CMSS1: variants seen among roughly 807,000 people sequenced by gnomAD.
CMSS1 encodes the protein protein CMSS1.
Under a neutral mutation model 43.5 loss-of-function variants are expected in CMSS1, and 33 were observed. The ratio of observed to expected loss-of-function variants is 0.76; its 90% CI spans 0.57 to 1.01. The LOEUF is 1.01. Among genes scored for constraint, CMSS1 ranks in the 50% least tolerant of loss-of-function variants. The probability of loss-of-function intolerance (pLI) is 0.00; values close to 1 mark genes in which losing one functional copy is unlikely to be tolerated. For missense variants in CMSS1, 313 were observed against 326.4 expected (o/e 0.96, Z 0.32); for synonymous variants, 115 against 117.2 (o/e 0.98, Z 0.12).
At chr3:99,825,775 C>CTTTTTTTTT (rs897686337) in intron 1 of CMSS1, among the ~76,000 whole-genome samples, 5 of 121,612 alleles carry the variant, frequency 4.1e-5, no homozygotes, top group African/African-American at 6.2e-5. Context: ...TTTTCTTTTT[C>CTTTTTTTTT]TTTTTTTTTT....
chr3:99,954,474 G>T lies in CMSS1; in HGVS notation c.64+136431G>T, dbSNP rs141098894. ...TCAGTTAATGGCAAAACCAGAAAAAGAACTCAACCTCTGTTTGACTCTCAG... is the reference window on the plus strand; with the variant it reads ...TCAGTTAATGGCAAAACCAGAAAAATAACTCAACCTCTGTTTGACTCTCAG... On this transcript the variant is annotated intron_variant, in intron 1 of 9. Coordinates refer to ENST00000421999, the MANE Select transcript of CMSS1 (RefSeq NM_032359.4). Among the ~76,000 whole-genome samples the T allele has an allele frequency of 4.5e-3, 684 of 152,210 alleles. 6 individuals carry two copies. Among genetic ancestry groups the T allele is most frequent in the African/African-American group, 0.016 (670 of 41,532 alleles).
rs570916530 is a variant in CMSS1 at position 100,089,828 on chromosome 3, T to C, written c.65-57145T>C. On this transcript the variant is annotated intron_variant, in intron 1 of 9. Transcript: ENST00000421999. ...AATGTCATATTAGGAACAACTGGAT[T>C]CTAGTCTCCATTTTTGCCACCTACT... Among the ~76,000 whole-genome samples the C allele has an allele frequency of 1.8e-3, 267 of 152,308 alleles. 1 individual carries two copies. Among genetic ancestry groups the C allele is most frequent in the African/African-American group, 6.2e-3 (257 of 41,566 alleles).
At chr3:100,166,826 C>A (rs1164041786) in intron 5 of CMSS1, among the ~76,000 whole-genome samples, 3 of 152,158 alleles carry the variant, frequency 2.0e-5, no homozygotes, top group African/African-American at 7.2e-5. Context: ...GGAGCCTCAA[C>A]CTCCTGGGCT....
At chr3:100,176,184 G>A (rs1289506167) in intron 8 of CMSS1, 143 bp from the exon 9 acceptor site, 2 of 577,616 alleles carry the variant, frequency 3.5e-6, no homozygotes, top group African/African-American at 3.8e-5. Context: ...ATCAGGGAAG[G>A]GCAGCACTTA....
At chr3:100,086,178 G>C (rs1485699937) in intron 1 of CMSS1, among the ~76,000 whole-genome samples, 1 of 152,200 alleles carries the variant, frequency 6.6e-6, no homozygotes, top group Non-Finnish European at 1.5e-5. Flanking sequence ...TCTGGCAGTG[G>C]TAGAGAGTCT....
chr3:100,083,380 C>G (rs766457268), intron 1 of CMSS1, among the ~76,000 whole-genome samples: 49 of 152,316 alleles, frequency 3.2e-4, no homozygotes, highest in Non-Finnish European at 5.4e-4. Flanking sequence ...TGGGAACTTG[C>G]AAGACATGAA....
At chr3:99,946,008 T>G (rs1707996923) in intron 1 of CMSS1, among the ~76,000 whole-genome samples, 1 of 152,212 alleles carries the variant, frequency 6.6e-6, no homozygotes, top group African/African-American at 2.4e-5. Context: ...TACAGACAGT[T>G]GGTAGATGTA....
At chr3:99,977,619 T>G (rs1427396261) in intron 1 of CMSS1, among the ~76,000 whole-genome samples, 2 of 152,184 alleles carry the variant, frequency 1.3e-5, no homozygotes, top group Admixed American at 1.3e-4. Flanking sequence ...ATTAGTTGAT[T>G]TTTTTAGTAT....
At chr3:99,884,245 C>A (rs1053325927) in intron 1 of CMSS1, among the ~76,000 whole-genome samples, 1 of 152,134 alleles carries the variant, frequency 6.6e-6, no homozygotes, top group Non-Finnish European at 1.5e-5. Flanking sequence ...CTCTCTCTGT[C>A]CTTTTTCCCC....
chr3:99,902,975 G>C (rs921500207), intron 1 of CMSS1, among the ~76,000 whole-genome samples: 1 of 152,146 alleles, frequency 6.6e-6, no homozygotes, highest in African/African-American at 2.4e-5. Context: ...CCTAAACCTA[G>C]AACTGTTAGA....
At chr3:100,009,376 T>C (rs1710077984) in intron 1 of CMSS1, among the ~76,000 whole-genome samples, 1 of 152,166 alleles carries the variant, frequency 6.6e-6, no homozygotes, top group Admixed American at 6.5e-5. Context: ...ATGATAGCAT[T>C]AAAAGCAGAA....
chr3:99,977,144 A>G (rs1708996260), intron 1 of CMSS1, among the ~76,000 whole-genome samples: 1 of 152,230 alleles, frequency 6.6e-6, no homozygotes, highest in African/African-American at 2.4e-5. Flanking sequence ...GGGATGAAGC[A>G]ACCTGGCATG....
At chr3:99,969,775 G>A (rs977445794) in intron 1 of CMSS1, among the ~76,000 whole-genome samples, 60 of 152,096 alleles carry the variant, frequency 3.9e-4, no homozygotes, top group Non-Finnish European at 6.8e-4. Context: ...AGATGAAGAA[G>A]GTGAGGAATT....
At chr3:100,146,577 T>C (rs931487073) in intron 1 of CMSS1, among the ~76,000 whole-genome samples, 3 of 152,270 alleles carry the variant, frequency 2.0e-5, no homozygotes, top group Non-Finnish European at 4.4e-5. Flanking sequence ...AAATAATGTC[T>C]GTGAAGCATA....
At chr3:99,909,376 A>G (rs1033001042) in intron 1 of CMSS1, among the ~76,000 whole-genome samples, 1 of 152,194 alleles carries the variant, frequency 6.6e-6, no homozygotes, top group Non-Finnish European at 1.5e-5. Context: ...ATATCCATGT[A>G]GGAATGATGT....
rs564020510 is a variant in CMSS1, at chr3:100,006,701, A to T, written c.65-140272A>T. On this transcript the variant is annotated intron_variant, in intron 1 of 9. Transcript: ENST00000421999. The stretch of plus-strand genomic sequence containing the variant: ...GCTTGGGTTGCACTCAGCCCTTAGC[A>T]TAGTGACTCCCAGAGTTTGCTAGTT... Among the ~76,000 whole-genome samples, 11 of 152,186 alleles carry T rather than the reference A, an allele frequency of 7.2e-5. 1 individual carries two copies. In the East Asian group the frequency reaches 1.7e-3, roughly 24 times the overall value.
At chr3:100,013,979 C>G (rs1028164112) in intron 1 of CMSS1, among the ~76,000 whole-genome samples, 1 of 152,086 alleles carries the variant, frequency 6.6e-6, no homozygotes, top group Admixed American at 6.6e-5. Context: ...CGCCCCCTTC[C>G]CACTGCCCCT....
At chr3:99,927,935 T>G (rs1400739023) in intron 1 of CMSS1, among the ~76,000 whole-genome samples, 1 of 152,304 alleles carries the variant, frequency 6.6e-6, no homozygotes, top group African/African-American at 2.4e-5. Context: ...GAGAGCTGTT[T>G]GTTCTTCTAA....
At chr3:100,098,765 A>G (rs1055080996) in intron 1 of CMSS1, among the ~76,000 whole-genome samples, 1 of 152,224 alleles carries the variant, frequency 6.6e-6, no homozygotes, top group African/African-American at 2.4e-5. Context: ...AAAACAAACC[A>G]TTAGCAAGGA....
Sources: allele counts gnomAD v4.1 joint callset (sites outside exome capture counted in the v4.1 genomes callset), GRCh38; gene constraint gnomAD v4.1.1; transcripts MANE v1.5; gene names NCBI Gene and HGNC (gene_info 2026-07-23, HGNC 2026-07-21).